SUMO2: variants seen among roughly 807,000 people sequenced by gnomAD.
SUMO2 encodes the protein small ubiquitin like modifier 2.
In SUMO2, 1 loss-of-function variant was observed where a neutral mutation model predicts 16.0. The ratio of observed to expected loss-of-function variants is 0.06; its 90% CI spans 0.02 to 0.30. The LOEUF (loss-of-function observed/expected upper bound fraction) is 0.30. Among genes scored for constraint, SUMO2 ranks in the 10% least tolerant of loss-of-function variants. The pLI is 1.00. For missense variants in SUMO2, 16 were observed against 117.5 expected (o/e 0.14, Z 3.99); for synonymous variants, 36 against 40.6 (o/e 0.89, Z 0.43).
chr17:75,173,646 T>C (rs972875893), intron 3 of SUMO2, among the ~76,000 whole-genome samples: 1 of 151,972 alleles, frequency 6.6e-6, no homozygotes, highest in Non-Finnish European at 1.5e-5. Context: ...TGGCTAATTT[T>C]TGTATTTTTT....
rs1295211943 is a variant in SUMO2, at chr17:75,168,165, TA to T, written c.*173del. 1.8e-5 allele frequency: 9 copies of T among 507,752 alleles called. No individual in the cohort carries two copies. In the Admixed American group the frequency reaches 2.4e-4, roughly 14 times the overall value. The allele number at this position is 507,752 out of a possible 1,614,324, so 31.5% of individuals were successfully genotyped here. A position where few individuals can be genotyped will look rare whatever the true frequency, so the allele number is the denominator to read the frequency against. On this transcript the variant is annotated 3_prime_UTR_variant, in exon 4 of 4. Transcript: ENST00000420826. ...AAAAAATGCAATATGCTTGTGCACATATACCAGTTACTTTATGTACAATAAA... is the reference window on the plus strand; with the variant it reads ...AAAAAATGCAATATGCTTGTGCACATTACCAGTTACTTTATGTACAATAAA...
At position 75,182,940 on chromosome 17, in the gene SUMO2, A is replaced by C. The variant is rs1325365541; in HGVS notation, c.-106T>G. The C allele has an allele frequency of 4.9e-6, 5 of 1,028,040 alleles. No individual in the cohort carries two copies. Among genetic ancestry groups the C allele is most frequent in the East Asian group, 6.6e-5 (2 of 30,150 alleles). The allele number at this position is 1,028,040 out of a possible 1,614,324, so 63.7% of individuals were successfully genotyped here. A position where few individuals can be genotyped will look rare whatever the true frequency, so the allele number is the denominator to read the frequency against. On this transcript the variant is annotated 5_prime_UTR_variant, in exon 1 of 4. Transcript: ENST00000420826. ...AGGAGCGGCAGAAGAAGGAGGCGGC[A>C]GCGGTGGACGAGGGGAGAGGGTGCG...
intron 1 of SUMO2, 43 bp downstream of exon 1, chr17:75,182,771 C>A (rs1441805037): frequency 7.6e-7 from 1 of 1,314,438 alleles, no homozygotes; most frequent in South Asian, 2.2e-5. Context: ...CGCGCCATGA[C>A]CCCCACCGCG....
rs768119121 is a variant in SUMO2, at chr17:75,174,821, T to A, written c.156A>T (p.Gly52=). ...KLMKAYCERQ[G]LSMRQIRFRF... ...GGAATCTGATCTGCCTCATTGACAATCCCTGAACGAGAATTTAAAAGCAAT... is the reference window on the plus strand; with the variant it reads ...GGAATCTGATCTGCCTCATTGACAAACCCTGAACGAGAATTTAAAAGCAAT... Residue 52 remains glycine, a splice_region_variant and synonymous_variant, in exon 3 of 4, where the codon GGA becomes GGT. Transcript: ENST00000420826. The A allele has an allele frequency of 6.2e-7, 1 of 1,612,932 alleles. No homozygotes were observed.
chr17:75,177,705 C>T (rs970405624), intron 2 of SUMO2, among the ~76,000 whole-genome samples: 1 of 151,806 alleles, frequency 6.6e-6, no homozygotes, highest in South Asian at 2.1e-4. Context: ...AAAAGAAAAG[C>T]CAGGCGTAGT....
chr17:75,175,481 G>A (rs1351018820), intron 2 of SUMO2, among the ~76,000 whole-genome samples: 1 of 150,682 alleles, frequency 6.6e-6, no homozygotes, highest in East Asian at 1.9e-4. Context: ...ACCATGCCTG[G>A]CTAATTTTTG....
At chr17:75,174,627 A>G (rs2074767594) in intron 3 of SUMO2, 125 bp downstream of exon 3, 1 of 755,782 alleles carries the variant, frequency 1.3e-6, no homozygotes, top group South Asian at 2.2e-5. Context: ...CCCTCTGGTC[A>G]TACTTCCCAA....
intron 3 of SUMO2, among the ~76,000 whole-genome samples, chr17:75,171,169 G>T (rs2074735653): frequency 6.6e-6 from 1 of 151,164 alleles, no homozygotes; most frequent in South Asian, 2.1e-4. Flanking sequence ...CGCTGTTGTT[G>T]CCCAGGGTGG....
rs1279877711 is a variant in SUMO2, at chr17:75,181,205, A to G, written c.22-17T>C. 2 of 1,611,190 alleles carry G rather than the reference A, an allele frequency of 1.2e-6. No individual in the cohort carries two copies. Among genetic ancestry groups the G allele is most frequent in the African/African-American group, 2.7e-5 (2 of 74,812 alleles). ...GACTCCTTCCTGTTAAAAGAAAAATAAAAGTATAATTTGGGAAATGTGATC... is the reference window on the plus strand; with the variant it reads ...GACTCCTTCCTGTTAAAAGAAAAATGAAAGTATAATTTGGGAAATGTGATC... On this transcript the variant is annotated splice_polypyrimidine_tract_variant and intron_variant, in intron 1 of 3. Coordinates refer to ENST00000420826, the MANE Select transcript of SUMO2 (RefSeq NM_006937.4).
chr17:75,173,710 C>T (rs1217414384), intron 3 of SUMO2, among the ~76,000 whole-genome samples: 1 of 152,144 alleles, frequency 6.6e-6, no homozygotes, highest in Non-Finnish European at 1.5e-5. Context: ...ATCCTGGACT[C>T]AAGTGCTCCG....
Position 75,180,411 on chromosome 17 carries a change from A to C in SUMO2, c.153+646T>G, listed in dbSNP as rs202195617. Among the ~76,000 whole-genome samples the C allele has an allele frequency of 2.9e-4, 41 of 143,714 alleles. No individual in the cohort carries two copies. The East Asian group carries it at 5.3e-3, about 19-fold the overall frequency. The allele number at this position is 143,714 out of a possible 152,430, so 94.3% of individuals were successfully genotyped here. The stretch of plus-strand genomic sequence containing the variant: ...CCAGCTTAAAAAAAAAAAAAAAAAA[A>C]AAAAAAAAAACGACTTCTTGGTTTG... On this transcript the variant is annotated intron_variant, in intron 2 of 3. Transcript: ENST00000420826.
chr17:75,170,898 G>A (rs1037933852), intron 3 of SUMO2, among the ~76,000 whole-genome samples: 5 of 149,102 alleles, frequency 3.4e-5, no homozygotes, highest in Non-Finnish European at 7.4e-5. Flanking sequence ...AGTATGCTCA[G>A]ATATTAAATA....
chr17:75,180,560 A>C (rs1315119704), intron 2 of SUMO2, among the ~76,000 whole-genome samples: 1 of 150,106 alleles, frequency 6.7e-6, no homozygotes, highest in Non-Finnish European at 1.5e-5. Context: ...TAAAAATACA[A>C]AAAAAAAATT....
intron 3 of SUMO2, among the ~76,000 whole-genome samples, chr17:75,171,317 A>G (rs1299150733): frequency 1.3e-5 from 2 of 151,872 alleles, no homozygotes; most frequent in East Asian, 3.9e-4. Flanking sequence ...CTCCGTCAAT[A>G]CAGAAAATAA....
chr17:75,178,013 A>G (rs1239297773), intron 2 of SUMO2, among the ~76,000 whole-genome samples: 5 of 143,306 alleles, frequency 3.5e-5, no homozygotes, highest in Non-Finnish European at 6.1e-5. Flanking sequence ...AAAAAAAAAG[A>G]ATCGCCCAGT....
At chr17:75,180,412 A>AAG (rs1555655463) in intron 2 of SUMO2, among the ~76,000 whole-genome samples, 1 of 142,450 alleles carries the variant, frequency 7.0e-6, no homozygotes, top group Non-Finnish European at 1.5e-5. Context: ...AAAAAAAAAA[A>AAG]AAAAAAAAAC....
intron 3 of SUMO2, among the ~76,000 whole-genome samples, chr17:75,174,058 G>A (rs1190503805): frequency 2.0e-5 from 3 of 152,130 alleles, no homozygotes; most frequent in Admixed American, 6.6e-5. Context: ...ATGAAGACAC[G>A]TAAAAGAGAA....
chr17:75,178,036 T>C (rs560038458), intron 2 of SUMO2, among the ~76,000 whole-genome samples: 55 of 139,586 alleles, frequency 3.9e-4, no homozygotes, highest in African/African-American at 1.4e-3. Context: ...CACAAGCCTA[T>C]AGTCCCAACT....
chr17:75,179,659 G>GTT (rs560336347), intron 2 of SUMO2, among the ~76,000 whole-genome samples: 15 of 141,534 alleles, frequency 1.1e-4, no homozygotes, highest in Admixed American at 2.1e-4. Context: ...ACATTCTAAA[G>GTT]TTTTTTTTTT....
Sources: gnomAD v4.1 joint callset for allele counts (sites outside exome capture counted in the v4.1 genomes callset) on GRCh38, gnomAD v4.1.1 for gene constraint, MANE v1.5 for transcripts, NCBI Gene and HGNC (gene_info 2026-07-23, HGNC 2026-07-21) for gene names.